Variants in ITGA6 observed in about 807,000 individuals in gnomAD.
ITGA6 encodes the protein integrin subunit alpha 6.
ITGA6 carries 63 observed loss-of-function variants against 133.6 expected under a neutral mutation model. That is an observed-to-expected ratio of 0.47 (90% CI 0.38 to 0.58). ITGA6 has a LOEUF of 0.58. Ranked by LOEUF, ITGA6 falls within the 20% of genes least tolerant of loss-of-function variation. The pLI, the probability that ITGA6 is intolerant of heterozygous loss-of-function variation, is 0.00. For missense variants in ITGA6, 1,068 were observed against 1,309.4 expected (o/e 0.82, Z 2.85); for synonymous variants, 434 against 482.0 (o/e 0.90, Z 1.30).
At position 172,475,048 on chromosome 2, in the gene ITGA6, T is replaced by G. The variant is rs751229931; in HGVS notation, c.1106T>G (p.Leu369Arg). ...GRWNNVKPIR[L>R]NGTKDSMFGI... ...TGGAATAATGTGAAGCCAATTCGTC[T>G]TAATGGAACCAAAGATTCTATGTTT... is the stretch of plus-strand genomic sequence containing the variant. Residue 369 changes from leucine (L) to arginine (R), a missense_variant, in exon 7 of 26, where the codon CTT becomes CGT. By Grantham distance (102) the Leu-to-Arg change is moderately radical. Transcript: ENST00000684293. The G allele has an allele frequency of 1.9e-6, 3 of 1,609,124 alleles. No homozygotes were observed. Among genetic ancestry groups the G allele is most frequent in the Non-Finnish European group, 2.6e-6 (3 of 1,175,382 alleles).
chr2:172,451,462 T>TAAA (rs57101233), intron 1 of ITGA6, among the ~76,000 whole-genome samples: 2 of 135,530 alleles, frequency 1.5e-5, no homozygotes, highest in African/African-American at 2.7e-5. Context: ...GAGACTATCT[T>TAAA]AAAAAAAAAA....
At chr2:172,493,889 A>G (rs537705147) in intron 23 of ITGA6, among the ~76,000 whole-genome samples, 4 of 152,240 alleles carry the variant, frequency 2.6e-5, no homozygotes, top group African/African-American at 9.6e-5. Context: ...AATGAAAGTG[A>G]GGTTCTCTTG....
rs532829832 is a variant in ITGA6, at chr2:172,505,721, TG to T, written c.*1660del. On this transcript the variant is annotated 3_prime_UTR_variant, in exon 26 of 26. Coordinates refer to ENST00000684293, the MANE Select transcript of ITGA6 (RefSeq NM_000210.4). ...ACAGTTTGTAGTGCCACTGTTGTTT[TG>T]GGGGGGCTTTTTTCTTTTCGGAAAT... 1 of 152,410 alleles carries T rather than the reference TG, an allele frequency of 6.6e-6. No individual in the cohort carries two copies. The highest frequency in any genetic ancestry group is 2.1e-4 in the South Asian group (1 of 4,806). The allele number at this position is 152,410 out of a possible 1,614,324, so 9.4% of individuals were successfully genotyped here. A position where few individuals can be genotyped will look rare whatever the true frequency, so the allele number is the denominator to read the frequency against.
At chr2:172,482,932 A>C (rs1686509891) in intron 11 of ITGA6, among the ~76,000 whole-genome samples, 1 of 152,152 alleles carries the variant, frequency 6.6e-6, no homozygotes, top group Admixed American at 6.5e-5. Flanking sequence ...CTGTTCCATA[A>C]ATCATATGTC....
intron 25 of ITGA6, among the ~76,000 whole-genome samples, chr2:172,502,361 T>C (rs1687385771): frequency 6.6e-6 from 1 of 152,180 alleles, no homozygotes; most frequent in South Asian, 2.1e-4. Flanking sequence ...ATGTTGGAAA[T>C]GTTGTGTTTC....
chr2:172,477,794 G>A (rs1686242535), intron 9 of ITGA6, among the ~76,000 whole-genome samples: 11 of 152,216 alleles, frequency 7.2e-5, no homozygotes, highest in Admixed American at 7.2e-4. Context: ...CCAGGACTTG[G>A]CTTGAGCTTT....
At chr2:172,452,009 T>TTTTTTTTTTTTTTTTTTTTTTTGAG (rs1553529756) in intron 1 of ITGA6, among the ~76,000 whole-genome samples, 35 of 148,524 alleles carry the variant, frequency 2.4e-4, no homozygotes, top group Non-Finnish European at 4.1e-4. Flanking sequence ...CCTTCATTTT[T>TTTTTTTTTTTTTTTTTTTTTTTGAG]ACTTTGGTAA....
chr2:172,490,765 A>C, intron 20 of ITGA6: 1 of 408,896 alleles, frequency 2.4e-6, no homozygotes, highest in Non-Finnish European at 4.6e-6. Flanking sequence ...GGAACAAAGA[A>C]AGCATATTTC....
chr2:172,482,697 T>TATA lies in ITGA6; in HGVS notation c.1550-2083_1550-2081dup, dbSNP rs1686499337. 2.0e-5 allele frequency among the ~76,000 whole-genome samples: 3 copies of TATA among 152,184 alleles called. No homozygotes were observed. In the South Asian group the frequency reaches 6.2e-4, roughly 32 times the overall value. ...TTCATTGTGAAGCTAGCAGGTCACT[T>TATA]ATAAATGGATGATGTCAAGGCTGCA... On this transcript the variant is annotated intron_variant, in intron 11 of 25. Transcript: ENST00000684293.
At position 172,487,750 on chromosome 2, in the gene ITGA6, G is replaced by C. The variant is rs1223664692; in HGVS notation, c.2267G>C (p.Ser756Thr). 6.2e-7 allele frequency: 1 copy of C among 1,612,762 alleles called. No homozygotes were observed. Among genetic ancestry groups the C allele is most frequent in the Non-Finnish European group, 8.5e-7 (1 of 1,178,992 alleles). Residue 756 changes from serine (S) to threonine (T), a missense_variant, in exon 17 of 26, where the codon AGT (serine) becomes ACT (threonine). Coordinates refer to ENST00000684293, the MANE Select transcript of ITGA6 (RefSeq NM_000210.4). ...NSNVTFYLVL[S>T]TTEVTFDTPD... Reference sequence around the variant, plus strand: ...TAGGTCACTTTTTATTTGGTTTTAAGTACAACTGAAGTCACCTTTGACACC... The same window carrying C: ...TAGGTCACTTTTTATTTGGTTTTAACTACAACTGAAGTCACCTTTGACACC...
rs1466749445 is a variant in ITGA6, at chr2:172,480,043, C to T, written c.1541C>T (p.Pro514Leu). The T allele has an allele frequency of 6.4e-7, 1 of 1,554,662 alleles. No individual in the cohort carries two copies. Among genetic ancestry groups the T allele is most frequent in the Non-Finnish European group, 8.9e-7 (1 of 1,126,124 alleles). ...ACTGCTAACCCCGCTGGTTATAATC[C>T]TTCAATATGTAAGTACCTAGTACCT... is the stretch of plus-strand genomic sequence containing the variant. ...EYTANPAGYN[P>L]SISIVGTLEA... Residue 514 changes from proline to leucine, a missense_variant, in exon 11 of 26, where the codon CCT becomes CTT. By Grantham distance (98) the Pro-to-Leu change is moderately conservative (BLOSUM62 -3). Transcript: ENST00000684293.
At chr2:172,490,848 T>G in intron 20 of ITGA6, 176 bp from the exon 21 acceptor site, 1 of 586,144 alleles carries the variant, frequency 1.7e-6, no homozygotes, top group Non-Finnish European at 3.1e-6. Context: ...AAACTTGAAT[T>G]TAGAGTGATA....
At chr2:172,501,046 A>G (rs1462512817) in intron 24 of ITGA6, among the ~76,000 whole-genome samples, 1 of 152,308 alleles carries the variant, frequency 6.6e-6, no homozygotes, top group East Asian at 1.9e-4. Context: ...GAACTAGATA[A>G]AAGTAAATAG....
intron 23 of ITGA6, among the ~76,000 whole-genome samples, chr2:172,494,190 CTTTT>C (rs1273269204): frequency 6.6e-6 from 1 of 152,090 alleles, no homozygotes; most frequent in African/African-American, 2.4e-5. Flanking sequence ...AGCAAAAAAA[CTTTT>C]TTGTTTCTTT....
chr2:172,483,952 AGGCATGC>A (rs1445777728), intron 11 of ITGA6, among the ~76,000 whole-genome samples: 4 of 152,280 alleles, frequency 2.6e-5, no homozygotes, highest in African/African-American at 9.6e-5. Context: ...CTGGGATTAC[AGGCATGC>A]GCCACCAAGC....
At chr2:172,458,085 C>T (rs959635429) in intron 1 of ITGA6, among the ~76,000 whole-genome samples, 3 of 152,020 alleles carry the variant, frequency 2.0e-5, no homozygotes, top group Admixed American at 6.6e-5. Context: ...TCCATCGTTC[C>T]CTACCTCTGT....
intron 1 of ITGA6, among the ~76,000 whole-genome samples, chr2:172,460,907 C>G (rs1449369737): frequency 6.6e-6 from 1 of 152,112 alleles, no homozygotes; most frequent in Non-Finnish European, 1.5e-5. Context: ...ATCTTTAATC[C>G]TTGAGGAAAT....
chr2:172,501,748 A>T, intron 24 of ITGA6, 24 bp from the exon 25 acceptor site: 1 of 1,609,596 alleles, frequency 6.2e-7, no homozygotes, highest in East Asian at 2.2e-5. Context: ...TGTAAAATTG[A>T]CTAAATACCT....
chr2:172,429,055 A>C (rs1397780412), intron 1 of ITGA6, among the ~76,000 whole-genome samples: 1 of 152,244 alleles, frequency 6.6e-6, no homozygotes, highest in African/African-American at 2.4e-5. Context: ...GTGCAGCCAC[A>C]GTGAAGAGAT....
Sources: allele counts gnomAD v4.1 joint callset (sites outside exome capture counted in the v4.1 genomes callset), GRCh38; gene constraint gnomAD v4.1.1; transcripts MANE v1.5; gene names NCBI Gene and HGNC (gene_info 2026-07-23, HGNC 2026-07-21).